XRCC4: variants seen among roughly 807,000 people sequenced by gnomAD.
XRCC4 encodes the protein DNA repair protein XRCC4.
In XRCC4, 28 loss-of-function variants were observed where a neutral mutation model predicts 39.1. The observed-to-expected ratio is 0.72, with a 90% CI of 0.53 to 0.98. The LOEUF is 0.98. Among genes scored for constraint, XRCC4 ranks in the 50% least tolerant of loss-of-function variants. The pLI is 0.00. For synonymous variants in XRCC4, 123 were observed against 126.4 expected, an observed-to-expected ratio of 0.97 and a Z score of 0.18; for missense variants, 350 against 376.4, an observed-to-expected ratio of 0.93 and a Z score of 0.58.
intron 6 of XRCC4, among the ~76,000 whole-genome samples, chr5:83,219,522 A>T (rs1752000264): frequency 6.6e-6 from 1 of 152,152 alleles, no homozygotes; most frequent in Non-Finnish European, 1.5e-5. Flanking sequence ...AATAGACGAG[A>T]TGATGAGATA....
chr5:83,312,692 G>A (rs180791619), intron 7 of XRCC4, among the ~76,000 whole-genome samples: 10 of 152,240 alleles, frequency 6.6e-5, no homozygotes, highest in Admixed American at 4.6e-4. Flanking sequence ...GAGAGGAGAG[G>A]GAAATGCATT....
At chr5:83,237,513 C>G (rs371853085) in intron 6 of XRCC4, among the ~76,000 whole-genome samples, 108 of 151,688 alleles carry the variant, frequency 7.1e-4, no homozygotes, top group African/African-American at 2.5e-3. Flanking sequence ...AAAAAAAATG[C>G]AAATCAAAGA....
At chr5:83,204,295 G>GT (rs1482910141) in intron 5 of XRCC4, among the ~76,000 whole-genome samples, 1 of 152,112 alleles carries the variant, frequency 6.6e-6, no homozygotes, top group Non-Finnish European at 1.5e-5. Context: ...AATCTTAGTA[G>GT]AAGTACAGAA....
chr5:83,123,575 A>G (rs1005698721), intron 3 of XRCC4, among the ~76,000 whole-genome samples: 3 of 151,908 alleles, frequency 2.0e-5, no homozygotes, highest in Non-Finnish European at 2.9e-5. Context: ...TTAAAAATCT[A>G]CTATCTCTGT....
chr5:83,196,092 T>C (rs948425030), intron 4 of XRCC4, among the ~76,000 whole-genome samples, 156 bp downstream of exon 4: 5 of 152,148 alleles, frequency 3.3e-5, no homozygotes. Context: ...TCATCACTAT[T>C]GTATATTATA....
At chr5:83,207,560 G>C (rs946506131) in intron 6 of XRCC4, among the ~76,000 whole-genome samples, 5 of 151,826 alleles carry the variant, frequency 3.3e-5, no homozygotes, top group African/African-American at 1.2e-4. Context: ...TTCTTCTGCT[G>C]CAAAAAGAAA....
chr5:83,166,459 T>C (rs1580319093), intron 3 of XRCC4, among the ~76,000 whole-genome samples: 2 of 115,972 alleles, frequency 1.7e-5, no homozygotes, highest in African/African-American at 7.6e-5. Flanking sequence ...TGTTCCTGTT[T>C]GTTTTTTTTT....
intron 3 of XRCC4, among the ~76,000 whole-genome samples, chr5:83,163,683 A>G (rs1482678784): frequency 6.6e-6 from 1 of 152,182 alleles, no homozygotes; most frequent in African/African-American, 2.4e-5. Flanking sequence ...ATGAATTTTA[A>G]TTTTGCACCA....
intron 6 of XRCC4, among the ~76,000 whole-genome samples, chr5:83,237,923 C>T (rs1297508028): frequency 1.3e-5 from 2 of 151,520 alleles, no homozygotes; most frequent in Non-Finnish European, 2.9e-5. Context: ...TCTAAATTTT[C>T]AAAAAAATTT....
chr5:83,167,563 C>T (rs537785948), intron 3 of XRCC4, among the ~76,000 whole-genome samples: 2 of 152,238 alleles, frequency 1.3e-5, no homozygotes, highest in South Asian at 2.1e-4. Flanking sequence ...TACATAAACT[C>T]TATGGACTTG....
At chr5:83,080,352 C>T (rs1259719563) in intron 1 of XRCC4, among the ~76,000 whole-genome samples, 1 of 152,054 alleles carries the variant, frequency 6.6e-6, no homozygotes, top group Non-Finnish European at 1.5e-5. Context: ...CATGGTGAAA[C>T]CCCATCTCTA....
At chr5:83,315,729 G>T (rs1005646489) in intron 7 of XRCC4, among the ~76,000 whole-genome samples, 1 of 152,066 alleles carries the variant, frequency 6.6e-6, no homozygotes, top group African/African-American at 2.4e-5. Flanking sequence ...GCCTACTGTT[G>T]AGACCTACTG....
At chr5:83,111,950 A>C (rs1376861994) in intron 3 of XRCC4, among the ~76,000 whole-genome samples, 1 of 152,166 alleles carries the variant, frequency 6.6e-6, no homozygotes, top group African/African-American at 2.4e-5. Context: ...ACAGAAATGT[A>C]TTGAGAATTT....
chr5:83,191,390 C>T (rs544436072), intron 3 of XRCC4, among the ~76,000 whole-genome samples: 66 of 151,430 alleles, frequency 4.4e-4, no homozygotes, highest in Non-Finnish European at 7.5e-4. Context: ...GTGAATGAGT[C>T]TCATGAGATC....
At chr5:83,223,729 C>T (rs1448675394) in intron 6 of XRCC4, among the ~76,000 whole-genome samples, 5 of 151,798 alleles carry the variant, frequency 3.3e-5, no homozygotes, top group South Asian at 4.2e-4. Context: ...ATGTGTACAA[C>T]GTACAGGTTT....
chr5:83,199,016 C>T (rs1751066214), intron 4 of XRCC4, among the ~76,000 whole-genome samples: 1 of 152,102 alleles, frequency 6.6e-6, no homozygotes, highest in Admixed American at 6.5e-5. Flanking sequence ...TTAGAAATTA[C>T]CTGCCTTTAT....
chr5:83,359,475 G>A, the XRCC4 span, among the ~76,000 whole-genome samples: 3 of 152,158 alleles, frequency 2.0e-5, no homozygotes, highest in Non-Finnish European at 4.4e-5. Flanking sequence ...GCTGTTAGAA[G>A]AGAGAAATGA....
intron 2 of XRCC4, among the ~76,000 whole-genome samples, chr5:83,107,176 A>G (rs1270376098): frequency 2.0e-5 from 3 of 152,002 alleles, no homozygotes; most frequent in African/African-American, 4.8e-5. Flanking sequence ...CATGTGTTTT[A>G]TGCCTTCATT....
intron 7 of XRCC4, among the ~76,000 whole-genome samples, chr5:83,304,115 C>G (rs745800346): frequency 6.7e-6 from 1 of 150,034 alleles, no homozygotes; most frequent in Non-Finnish European, 1.5e-5. Flanking sequence ...AAAAGTAATA[C>G]AAGTACTTTT....
Sources: gnomAD v4.1 joint callset for allele counts (sites outside exome capture counted in the v4.1 genomes callset) on GRCh38, gnomAD v4.1.1 for gene constraint, MANE v1.5 for transcripts, NCBI Gene and HGNC (gene_info 2026-07-23, HGNC 2026-07-21) for gene names.